DCTN1: variants seen among roughly 807,000 people sequenced by gnomAD.
DCTN1 encodes 150 kDa dynein-associated polypeptide.
In DCTN1, 61 loss-of-function variants were observed where a neutral mutation model predicts 161.2. The ratio of observed to expected loss-of-function variants is 0.38; its 90% CI spans 0.31 to 0.47. The LOEUF is 0.47. Ranked by LOEUF, DCTN1 falls within the 20% of genes least tolerant of loss-of-function variation. The pLI is 0.99. For missense variants in DCTN1, 1,404 were observed against 1,623.7 expected (o/e 0.86, Z 2.33); for synonymous variants, 653 against 632.4 (o/e 1.03, Z -0.49).
intron 31 of DCTN1, 84 bp from the exon 32 acceptor site, chr2:74,361,720 A>C: frequency 6.3e-7 from 1 of 1,580,018 alleles, no homozygotes; most frequent in Non-Finnish European, 8.7e-7. Flanking sequence ...GAGCACTGAG[A>C]CCAAGGCAGC....
At chr2:74,364,842 T>C (rs1674281518) in intron 26 of DCTN1, 1 of 584,316 alleles carries the variant, frequency 1.7e-6, no homozygotes, top group Admixed American at 2.7e-5. Context: ...GTCATCATTA[T>C]TCTGAGCCTC....
chr2:74,382,088 C>A (rs1277169482), upstream of DCTN1, among the ~76,000 whole-genome samples: 1 of 152,142 alleles, frequency 6.6e-6, no homozygotes, highest in Admixed American at 6.5e-5. Context: ...TTACCACAGA[C>A]ATATCTAGGC....
chr2:74,361,938 A>T, intron 31 of DCTN1, 114 bp downstream of exon 31: 9 of 1,168,708 alleles, frequency 7.7e-6, no homozygotes, highest in Non-Finnish European at 1.1e-5. Flanking sequence ...AGATAACCCA[A>T]GGTATGCAGT....
chr2:74,370,866 G>C lies in DCTN1; in HGVS notation c.844-41C>G, dbSNP rs1427389846. On this transcript the variant is annotated intron_variant, in intron 9 of 31. Transcript: ENST00000628224. This position sits in a 1 kb window ranked among gnomAD's most constrained non-coding sequence, Gnocchi z 4.4. Reference sequence around the variant, plus strand: ...AGGTGGGAGGGGGTACCAGCACAGAGATGCCCCAGGCCTTTCTCACAGTAT... The same window carrying C: ...AGGTGGGAGGGGGTACCAGCACAGACATGCCCCAGGCCTTTCTCACAGTAT... 2 of 1,613,530 alleles carry C rather than the reference G, an allele frequency of 1.2e-6. No individual in the cohort carries two copies. The highest frequency in any genetic ancestry group is 1.7e-5 in the Admixed American group (1 of 60,026).
chr2:74,380,919 C>T (rs1285857713), upstream of DCTN1, among the ~76,000 whole-genome samples: 4 of 152,206 alleles, frequency 2.6e-5, no homozygotes, highest in Non-Finnish European at 4.4e-5. Context: ...AACTGGATTA[C>T]TAAAGGCAGT....
intron 1 of DCTN1, chr2:74,385,855 A>T (rs749776900): frequency 1.3e-5 from 2 of 152,228 alleles, no homozygotes; most frequent in Non-Finnish European, 2.9e-5. Context: ...CAAACTGAGA[A>T]AACACATAAG....
In DCTN1 at chr2:74,365,122, C is replaced by A; in HGVS notation, c.3149G>T (p.Gly1050Val). ...QSKRTIEGLR[G>V]PPPSGIATLV... ...AGTAGCAATGCCTGAAGGAGGAGGG[C>A]CCCGGAGTCCCTCAATCGTGCGTTT... Residue 1050 changes from glycine to valine, a missense_variant, in exon 26 of 32, where the codon GGC (glycine) becomes GTC (valine). Physicochemically the swap from Gly to Val is moderately radical, Grantham distance 109. Coordinates refer to ENST00000628224, the MANE Select transcript of DCTN1 (RefSeq NM_004082.5). 1 of 1,614,166 alleles carries A rather than the reference C, an allele frequency of 6.2e-7. No individual in the cohort carries two copies. Among genetic ancestry groups the A allele is most frequent in the Non-Finnish European group, 8.5e-7 (1 of 1,180,038 alleles).
chr2:74,368,798 C>T lies in DCTN1; in HGVS notation c.1784G>A (p.Ser595Asn), dbSNP rs1243051229. The T allele has an allele frequency of 1.9e-6, 3 of 1,614,162 alleles. No homozygotes were observed. Among genetic ancestry groups the T allele is most frequent in the Middle Eastern group, 1.6e-4 (1 of 6,084 alleles). Residue 595 changes from serine to asparagine, a missense_variant, in exon 16 of 32, where the codon AGC (serine) becomes AAC (asparagine). This residue lies in a region of DCTN1 where 278 missense variants were observed against 363.8 expected (regional missense o/e 0.76). Transcript: ENST00000628224. ...MSLLTAFMPD[S>N]FLRPGGDHDC... ...ATGGTCCCCACCTGGCCGAAGGAAG[C>T]TGTCAGGCATGAAGGCTGTCAGCAG...
chr2:74,377,438 G>T lies in DCTN1; in HGVS notation c.387C>A (p.Ser129Arg). The T allele has an allele frequency of 1.2e-6, 2 of 1,613,218 alleles. No homozygotes were observed. Among genetic ancestry groups the T allele is most frequent in the East Asian group, 4.5e-5 (2 of 44,882 alleles). Residue 129 changes from serine (S) to arginine (R), a missense_variant, in exon 4 of 32, where the codon AGC becomes AGA. Physicochemically the swap from Ser to Arg is moderately radical, Grantham distance 110 (BLOSUM62 -1). Around this residue, in one of 9 missense-constraint regions of DCTN1, gnomAD observed 174 missense variants for 175.6 expected, o/e 0.99. Transcript: ENST00000628224. ...CCACCCCCAAATCACTCACCAGTTT[G>T]CTAGTCTTTGCAGTTGTATCAGTTC... is the stretch of plus-strand genomic sequence containing the variant. ...REGTDTTAKT[S>R]KLRGLKPKKA... is the part of the protein sequence containing the mutation.
intron 25 of DCTN1, 52 bp from the exon 26 acceptor site, chr2:74,365,293 TGACTA>T: frequency 6.2e-7 from 1 of 1,608,562 alleles, no homozygotes; most frequent in Non-Finnish European, 8.5e-7. Flanking sequence ...AAGCACTCCT[TGACTA>T]TTCAGTCCTG....
intron 27 of DCTN1, 67 bp downstream of exon 27, chr2:74,363,547 C>A (rs1674180530): frequency 1.9e-6 from 3 of 1,602,584 alleles, no homozygotes; most frequent in Non-Finnish European, 2.6e-6. Context: ...TGGCTTCCCC[C>A]TCCACCCTGC....
chr2:74,381,162 CTA>C (rs1000844851), upstream of DCTN1, among the ~76,000 whole-genome samples: 8 of 152,226 alleles, frequency 5.3e-5, no homozygotes, highest in Admixed American at 5.2e-4. Context: ...CTCCAAGGGA[CTA>C]TGTTACCACA....
chr2:74,381,261 G>A (rs1675497304), upstream of DCTN1, among the ~76,000 whole-genome samples: 3 of 152,174 alleles, frequency 2.0e-5, no homozygotes, highest in African/African-American at 7.2e-5. Flanking sequence ...AGGTTGGCCT[G>A]GGGTCTGACC....
Position 74,362,122 on chromosome 2 carries a change from G to C in DCTN1, c.3629C>G (p.Thr1210Arg), listed in dbSNP as rs565866230. Residue 1210 changes from threonine (T) to arginine (R), a missense_variant, in exon 31 of 32, where the codon ACA (threonine) becomes AGA (arginine). Physicochemically the swap from Thr to Arg is moderately conservative, Grantham distance 71. Coordinates refer to ENST00000628224, the MANE Select transcript of DCTN1 (RefSeq NM_004082.5). ...EKLKDEVLKE[T>R]VSQRPGATVP... The stretch of plus-strand genomic sequence containing the variant: ...TGTGGCTCCAGGGCGCTGAGATACT[G>C]TCTCCTTGAGGACCTCATCCTAGGG... 4 of 1,613,796 alleles carry C rather than the reference G, an allele frequency of 2.5e-6. No individual in the cohort carries two copies. The highest frequency in any genetic ancestry group is 3.3e-4 in the Middle Eastern group (2 of 6,060).
At position 74,369,171 on chromosome 2, in the gene DCTN1, T is replaced by C; in HGVS notation, c.1628A>G (p.Glu543Gly). ...CTCTGGAGGTGGCTGCTGTTGCCTC[T>C]CCACAGATGCTTCCTGCTGGTTTGT... ...ELTNQQEASVERQQQPPPETF... is the reference protein window; with the variant it reads ...ELTNQQEASVGRQQQPPPETF... Residue 543 changes from glutamate to glycine, a missense_variant, in exon 15 of 32, where the codon GAG (glutamate) becomes GGG (glycine). Physicochemically the swap from Glu to Gly is moderately conservative, Grantham distance 98 (BLOSUM62 -2). Transcript: ENST00000628224. This position sits in a 1 kb window ranked among gnomAD's most constrained non-coding sequence, Gnocchi z 4.9. 1 of 1,614,264 alleles carries C rather than the reference T, an allele frequency of 6.2e-7. No homozygotes were observed.
At position 74,368,059 on chromosome 2, in the gene DCTN1, G is replaced by A. The variant is rs866457869; in HGVS notation, c.1927C>T (p.Arg643Ter). 2 of 1,613,194 alleles carry A rather than the reference G, an allele frequency of 1.2e-6. No individual in the cohort carries two copies. The highest frequency in any genetic ancestry group is 1.3e-5 in the African/African-American group (1 of 75,026). Residue 643 changes from arginine (R) to a stop codon, truncating the protein, a stop_gained, in exon 17 of 32, where the codon CGA becomes TGA. Transcript: ENST00000628224. LOFTEE classifies it high-confidence loss of function. The part of the protein sequence containing the change: ...SENCSERPGL[R>*]GAAGEQLSFA... ...CTGAGTTGCTCCCCAGCAGCTCCTC[G>A]CAGCCCAGGCCGCTCTGAACAGTTC...
chr2:74,365,266 G>A (rs561553248), intron 25 of DCTN1, 25 bp from the exon 26 acceptor site: 2 of 1,613,646 alleles, frequency 1.2e-6, no homozygotes, highest in African/African-American at 2.7e-5. Context: ...CTGGGCTTTG[G>A]CAGTGTCCCT....
rs1356664037 is a variant in DCTN1, at chr2:74,371,685, G to C, written c.497C>G (p.Ser166Cys). The stretch of plus-strand genomic sequence containing the variant: ...TGACGCTGAGCCAGAGGGGCCCAGG[G>C]AGCTACTGGCCCCAGCCACCCCAGT... ...ASTGVAGASS[S>C]LGPSGSASAG... is the part of the protein sequence containing the mutation. Residue 166 changes from serine to cysteine, a missense_variant, in exon 8 of 32, where the codon TCC (serine) becomes TGC (cysteine). Physicochemically the swap from Ser to Cys is moderately radical, Grantham distance 112. This residue lies in a region of DCTN1 where 174 missense variants were observed against 175.6 expected (regional missense o/e 0.99). Coordinates refer to ENST00000628224, the MANE Select transcript of DCTN1 (RefSeq NM_004082.5). The C allele has an allele frequency of 1.2e-6, 2 of 1,606,652 alleles. No individual in the cohort carries two copies. Among genetic ancestry groups the C allele is most frequent in the East Asian group, 4.5e-5 (2 of 44,640 alleles).
Position 74,378,083 on chromosome 2 carries a change from T to C in DCTN1, c.196A>G (p.Lys66Glu). ...TGAACAGTTCCATCATTTTTGCCCT[T>C]TGCTTCATCCAGAATCACGCCTACC... ...KWVGVILDEA[K>E]GKNDGTVQGR... is the part of the protein sequence containing the mutation. The change falls in exon 2 of 32, where the codon AAG becomes GAG. Residue 66 changes from lysine to glutamate, a missense_variant. This residue lies in a region of DCTN1 where 18 missense variants were observed against 53.0 expected (regional missense o/e 0.34). Transcript: ENST00000628224. 1 of 1,614,276 alleles carries C rather than the reference T, an allele frequency of 6.2e-7. No individual in the cohort carries two copies. The highest frequency in any genetic ancestry group is 8.5e-7 in the Non-Finnish European group (1 of 1,180,060).
Sources: gnomAD v4.1 joint callset for allele counts (sites outside exome capture counted in the v4.1 genomes callset) on GRCh38, gnomAD v4.1.1 for gene constraint, gnomAD v4.1.1 regional missense constraint, Gnocchi (gnomAD v3.1) non-coding constraint, MANE v1.5 for transcripts, NCBI Gene and HGNC (gene_info 2026-07-23, HGNC 2026-07-21) for gene names.